The following ASAP1 variants were observed in gnomAD, a reference collection of about 807,000 sequenced individuals.
ASAP1 encodes the protein ArfGAP with SH3 domain, ankyrin repeat and PH domain 1, also known as arf-GAP with SH3 domain, ANK repeat and PH domain-containing protein 1.
A neutral mutation model predicts 145.2 loss-of-function variants in ASAP1; 43 were observed. The observed-to-expected ratio is 0.30, with a 90% CI of 0.23 to 0.38. The LOEUF (loss-of-function observed/expected upper bound fraction) is 0.38. Ranked by LOEUF, ASAP1 falls within the 10% of genes least tolerant of loss-of-function variation. The probability of loss-of-function intolerance (pLI) is 1.00; values close to 1 mark genes in which losing one functional copy is unlikely to be tolerated. For missense variants in ASAP1, 1,018 were observed against 1,355.3 expected (o/e 0.75, Z 3.91); for synonymous variants, 546 against 515.5 (o/e 1.06, Z -0.80).
intron 1 of ASAP1, among the ~76,000 whole-genome samples, chr8:130,428,323 C>G (rs1328472111): frequency 7.0e-6 from 1 of 143,586 alleles, no homozygotes; most frequent in African/African-American, 2.6e-5. Flanking sequence ...CATGCCAGTG[C>G]TCGCTAAATT....
At chr8:130,425,720 G>A (rs1412858701) in intron 1 of ASAP1, among the ~76,000 whole-genome samples, 2 of 152,186 alleles carry the variant, frequency 1.3e-5, no homozygotes, top group African/African-American at 4.8e-5. Context: ...CATTTAAAAT[G>A]CCTACAAGTT....
At chr8:130,266,488 T>C (rs1031542004) in intron 3 of ASAP1, among the ~76,000 whole-genome samples, 4 of 152,320 alleles carry the variant, frequency 2.6e-5, no homozygotes, top group Non-Finnish European at 2.9e-5. Flanking sequence ...ATAAGCAGTT[T>C]GGAGCTGGAA....
chr8:130,418,350 C>A (rs979236023), intron 1 of ASAP1, among the ~76,000 whole-genome samples: 1 of 152,048 alleles, frequency 6.6e-6, no homozygotes, highest in African/African-American at 2.4e-5. Flanking sequence ...GAGTTTGAGA[C>A]CAGCCTGACC....
At chr8:130,439,435 C>A (rs930120027) in intron 1 of ASAP1, among the ~76,000 whole-genome samples, 2 of 152,082 alleles carry the variant, frequency 1.3e-5, no homozygotes, top group Non-Finnish European at 2.9e-5. Flanking sequence ...TTATGCTTAC[C>A]CTAATGTAAT....
At chr8:130,236,740 T>C (rs889753034) in intron 4 of ASAP1, among the ~76,000 whole-genome samples, 182 bp downstream of exon 4, 1 of 152,186 alleles carries the variant, frequency 6.6e-6, no homozygotes, top group Non-Finnish European at 1.5e-5. Context: ...CTTTCTGTTT[T>C]GGAAACACTA....
At chr8:130,144,913 T>C (rs2097623954) in intron 13 of ASAP1, among the ~76,000 whole-genome samples, 1 of 152,224 alleles carries the variant, frequency 6.6e-6, no homozygotes, top group Non-Finnish European at 1.5e-5. Flanking sequence ...AATGGAGATC[T>C]CCAAGAAAAT....
intron 5 of ASAP1, among the ~76,000 whole-genome samples, chr8:130,204,282 C>A (rs911614986): frequency 6.6e-6 from 1 of 152,148 alleles, no homozygotes; most frequent in Admixed American, 6.5e-5. Context: ...ACCATCCTCC[C>A]GGCTACCCTC....
At chr8:130,406,615 G>T (rs1699795422) in intron 1 of ASAP1, among the ~76,000 whole-genome samples, 1 of 151,964 alleles carries the variant, frequency 6.6e-6, no homozygotes, top group Non-Finnish European at 1.5e-5. Flanking sequence ...CCAAGTAGCT[G>T]GGATTACAGG....
At chr8:130,131,012 C>A (rs1366996224) in intron 15 of ASAP1, among the ~76,000 whole-genome samples, 1 of 152,116 alleles carries the variant, frequency 6.6e-6, no homozygotes, top group Non-Finnish European at 1.5e-5. Context: ...AAAAAATTAG[C>A]CAGGCGTGGT....
At chr8:130,135,046 T>A (rs2097591281) in intron 14 of ASAP1, among the ~76,000 whole-genome samples, 1 of 152,188 alleles carries the variant, frequency 6.6e-6, no homozygotes, top group South Asian at 2.1e-4. Flanking sequence ...TGACCTAACT[T>A]GGATACTTTG....
At chr8:130,215,074 G>C (rs1816815913) in intron 4 of ASAP1, among the ~76,000 whole-genome samples, 2 of 151,830 alleles carry the variant, frequency 1.3e-5, no homozygotes, top group African/African-American at 2.4e-5. Flanking sequence ...CTAATTTTTT[G>C]TATTTTTAGT....
intron 3 of ASAP1, among the ~76,000 whole-genome samples, chr8:130,266,233 G>A (rs1421011441): frequency 2.6e-5 from 4 of 152,136 alleles, no homozygotes; most frequent in Non-Finnish European, 4.4e-5. Context: ...AGGAGTGAAG[G>A]TGCGGCTGGA....
intron 3 of ASAP1, among the ~76,000 whole-genome samples, chr8:130,336,881 C>T (rs2137862408): frequency 1.3e-5 from 2 of 152,254 alleles, no homozygotes; most frequent in Admixed American, 1.3e-4. Flanking sequence ...CTACTTCTCC[C>T]AAACAGCTCC....
At chr8:130,142,271 G>A (rs1365660263) in intron 13 of ASAP1, among the ~76,000 whole-genome samples, 2 of 152,206 alleles carry the variant, frequency 1.3e-5, no homozygotes, top group African/African-American at 4.8e-5. Context: ...ATAGCTCGGA[G>A]AATAACAGCT....
At chr8:130,108,932 C>T (rs145756093) in intron 24 of ASAP1, among the ~76,000 whole-genome samples, 46 of 151,894 alleles carry the variant, frequency 3.0e-4, no homozygotes, top group African/African-American at 9.2e-4. Context: ...GGCGCCACTA[C>T]GCCCGGCTCA....
chr8:130,152,808 A>G lies in ASAP1; in HGVS notation c.1011-3T>C. On this transcript the variant is annotated splice_polypyrimidine_tract_variant and splice_region_variant and intron_variant, in intron 12 of 29. Coordinates refer to ENST00000518721, the MANE Select transcript of ASAP1 (RefSeq NM_018482.4). The stretch of plus-strand genomic sequence containing the variant: ...TCCTCTGCCATACTTTCCGGATCCT[A>G]AGGAGGAAGTCAAACACAACTAGAT... 1.2e-6 allele frequency: 2 copies of G among 1,607,074 alleles called. No individual in the cohort carries two copies. The highest frequency in any genetic ancestry group is 1.7e-6 in the Non-Finnish European group (2 of 1,174,806).
At position 130,389,057 on chromosome 8, in the gene ASAP1, C is replaced by T. The variant is rs114432514; in HGVS notation, c.59+12828G>A. Among the ~76,000 whole-genome samples the T allele has an allele frequency of 3.7e-3, 566 of 152,302 alleles. 6 individuals are homozygous for T. The highest frequency in any genetic ancestry group is 0.013 in the African/African-American group (538 of 41,558). ...AAGGATTGAATGAGTTAATAAACAG[C>T]AAGTGCTTAGAAGAAAGGGCCTGGC... is the stretch of plus-strand genomic sequence containing the variant. On this transcript the variant is annotated intron_variant, in intron 2 of 29. Transcript: ENST00000518721.
intron 24 of ASAP1, among the ~76,000 whole-genome samples, chr8:130,094,840 G>A (rs1331726356): frequency 6.6e-6 from 1 of 152,194 alleles, no homozygotes; most frequent in Non-Finnish European, 1.5e-5. Flanking sequence ...ATAGATAATA[G>A]ACAATGGTGA....
At chr8:130,359,816 T>C (rs956913045) in intron 2 of ASAP1, among the ~76,000 whole-genome samples, 2 of 151,524 alleles carry the variant, frequency 1.3e-5, no homozygotes, top group African/African-American at 4.9e-5. Context: ...GTAGAGACGG[T>C]GTTTTACCTT....
Sources: gnomAD v4.1 joint callset for allele counts (sites outside exome capture counted in the v4.1 genomes callset) on GRCh38, gnomAD v4.1.1 for gene constraint, MANE v1.5 for transcripts, NCBI Gene and HGNC (gene_info 2026-07-23, HGNC 2026-07-21) for gene names.